The following KIAA0232 variants were observed in gnomAD, a reference collection of about 807,000 sequenced individuals.
KIAA0232 encodes KIAA0232.
A neutral mutation model predicts 122.0 loss-of-function variants in KIAA0232; 27 were observed. The ratio of observed to expected loss-of-function variants is 0.22; its 90% CI spans 0.16 to 0.31. The LOEUF (loss-of-function observed/expected upper bound fraction) is 0.31. Ranked by LOEUF, KIAA0232 falls within the 10% of genes least tolerant of loss-of-function variation. KIAA0232 has a pLI of 1.00. For missense variants in KIAA0232, 1,551 were observed against 1,634.2 expected, an observed-to-expected ratio of 0.95 and a Z score of 0.88; for synonymous variants, 613 against 587.6, an observed-to-expected ratio of 1.04 and a Z score of -0.63.
chr4:6,816,483 C>T (rs1022537336), intron 2 of KIAA0232, among the ~76,000 whole-genome samples: 12 of 152,018 alleles, frequency 7.9e-5, no homozygotes, highest in African/African-American at 1.9e-4. Context: ...AGGGTTTCAC[C>T]GTGTTAGCCA....
chr4:6,869,557 C>T (rs192258253), intron 7 of KIAA0232, among the ~76,000 whole-genome samples: 4 of 152,338 alleles, frequency 2.6e-5, no homozygotes, highest in Non-Finnish European at 5.9e-5. Flanking sequence ...CCTGTCCATT[C>T]CCCTGGCCCT....
intron 1 of KIAA0232, among the ~76,000 whole-genome samples, chr4:6,799,768 C>T (rs1429767223): frequency 6.6e-6 from 1 of 151,998 alleles, no homozygotes; most frequent in Non-Finnish European, 1.5e-5. Flanking sequence ...AATCTCGACT[C>T]ACTGCAACCT....
At chr4:6,834,391 A>G (rs1719157602) in intron 3 of KIAA0232, among the ~76,000 whole-genome samples, 1 of 152,226 alleles carries the variant, frequency 6.6e-6, no homozygotes, top group Non-Finnish European at 1.5e-5. Flanking sequence ...TGCTCAGTAA[A>G]TATTGACAAC....
intron 3 of KIAA0232, among the ~76,000 whole-genome samples, chr4:6,839,498 C>G (rs967193906): frequency 2.0e-5 from 3 of 152,152 alleles, no homozygotes; most frequent in African/African-American, 7.2e-5. Flanking sequence ...GTGAATGCAT[C>G]AATACAGAGA....
intron 2 of KIAA0232, among the ~76,000 whole-genome samples, chr4:6,810,550 A>C (rs1056648204): frequency 3.9e-5 from 6 of 152,228 alleles, no homozygotes; most frequent in Admixed American, 6.5e-5. Context: ...CCTCAAAAAC[A>C]CAGGCAACTA....
rs753810086 is a variant in KIAA0232, at chr4:6,841,992, A to T, written c.232-75A>T. 8 of 1,527,948 alleles carry T rather than the reference A, an allele frequency of 5.2e-6. No individual in the cohort carries two copies. Among genetic ancestry groups the T allele is most frequent in the Non-Finnish European group, 7.1e-6 (8 of 1,129,104 alleles). 94.6% of individuals were successfully genotyped at this position (1,527,948 alleles called of 1,614,324 possible). The stretch of plus-strand genomic sequence containing the variant: ...AATGCAAGGGGCCTTTTTGTGACTG[A>T]GTGTGTGTGGTAGGTGGAACATAGT... On this transcript the variant is annotated intron_variant, in intron 3 of 9. Transcript: ENST00000307659.
At chr4:6,880,310 T>C (rs9790494) in intron 9 of KIAA0232, among the ~76,000 whole-genome samples, 471 of 5,730 alleles carry the variant, frequency 0.082, 16 homozygotes, top group Middle Eastern at 0.25. Context: ...CACAGGTCTG[T>C]AGTGTCGCCT....
At chr4:6,811,853 C>T (rs1717897109) in intron 2 of KIAA0232, among the ~76,000 whole-genome samples, 1 of 149,780 alleles carries the variant, frequency 6.7e-6, no homozygotes, top group South Asian at 2.1e-4. Flanking sequence ...AACCTTTTCC[C>T]TCAGTTTGTT....
At chr4:6,801,619 A>C (rs918267790) in intron 1 of KIAA0232, among the ~76,000 whole-genome samples, 1 of 152,036 alleles carries the variant, frequency 6.6e-6, no homozygotes, top group African/African-American at 2.4e-5. Flanking sequence ...AGGAATTCCA[A>C]GCTGCAGCGA....
chr4:6,800,043 C>CTTTCT (rs1717313307), intron 1 of KIAA0232, among the ~76,000 whole-genome samples: 2 of 60,088 alleles, frequency 3.3e-5, no homozygotes, highest in Non-Finnish European at 3.6e-5. Flanking sequence ...TTCTTTCTTT[C>CTTTCT]TTTTTTTTTT....
intron 1 of KIAA0232, among the ~76,000 whole-genome samples, chr4:6,801,051 T>C (rs542339774): frequency 4.3e-4 from 66 of 152,358 alleles, no homozygotes; most frequent in African/African-American, 1.5e-3. Flanking sequence ...GAAATTAAGT[T>C]CAGCAGCTGG....
At chr4:6,866,332 T>A in intron 7 of KIAA0232, 1 of 535,530 alleles carries the variant, frequency 1.9e-6, no homozygotes, top group Non-Finnish European at 2.4e-6. Context: ...GCCAAAAAAA[T>A]TCCCAGAGGA....
At chr4:6,817,358 A>G (rs1718181082) in intron 2 of KIAA0232, among the ~76,000 whole-genome samples, 6 of 152,142 alleles carry the variant, frequency 3.9e-5, no homozygotes, top group Admixed American at 3.9e-4. Context: ...CTGGGACTAC[A>G]AGCGTCCGCC....
rs1721775786 is a variant in KIAA0232, at chr4:6,876,704, C to A, written c.3955C>A (p.Pro1319Thr). Residue 1319 changes from proline (P) to threonine (T), a missense_variant, in exon 9 of 10, where the codon CCA (proline) becomes ACA (threonine). Around this residue, in one of 5 missense-constraint regions of KIAA0232, gnomAD observed 1,108 missense variants for 1,154.8 expected, o/e 0.96. Transcript: ENST00000307659. Reference protein sequence around the residue: ...AKGESGLEEYPDAKETPSNEE... With the variant: ...AKGESGLEEYTDAKETPSNEE... ...GGGAGAGAGTGGTTTAGAAGAATAT[C>A]CAGATGCTAAAGAGACACCCAGTAA... The A allele has an allele frequency of 6.2e-7, 1 of 1,613,144 alleles. No individual in the cohort carries two copies. Among genetic ancestry groups the A allele is most frequent in the African/African-American group, 1.3e-5 (1 of 74,862 alleles).
chr4:6,871,693 C>T lies in KIAA0232; in HGVS notation c.3910+11C>T, dbSNP rs371099770. On this transcript the variant is annotated intron_variant, in intron 8 of 9. Transcript: ENST00000307659. ...CATCAGAGTGTGAAGGTAAGGAGAC[C>T]TTTGTTAGTTCATTTATTCATTGCA... The T allele has an allele frequency of 6.9e-6, 10 of 1,450,314 alleles. No homozygotes were observed. The highest frequency in any genetic ancestry group is 8.6e-6 in the Non-Finnish European group (9 of 1,040,898). 89.8% of individuals were successfully genotyped at this position (1,450,314 alleles called of 1,614,324 possible).
At chr4:6,801,182 C>T (rs1717369527) in intron 1 of KIAA0232, among the ~76,000 whole-genome samples, 1 of 152,144 alleles carries the variant, frequency 6.6e-6, no homozygotes, top group Admixed American at 6.5e-5. Flanking sequence ...ATTCAGTATC[C>T]ACTGGCTACA....
Position 6,862,785 on chromosome 4 carries a change from AAAC to A in KIAA0232, c.2406_2408del (p.Asn802del). 1 of 1,614,112 alleles carries A rather than the reference AAAC, an allele frequency of 6.2e-7. No homozygotes were observed. Among genetic ancestry groups the A allele is most frequent in the Non-Finnish European group, 8.5e-7 (1 of 1,180,022 alleles). ...GTATTCAGCTAGAACAAAAAACAGA[AAAC>A]AAAAATTTTGAAACTACACAAGTAT... On this transcript the variant is annotated inframe_deletion, in exon 7 of 10. Transcript: ENST00000307659.
chr4:6,793,837 C>A (rs1210123963), intron 1 of KIAA0232, among the ~76,000 whole-genome samples: 1 of 152,124 alleles, frequency 6.6e-6, no homozygotes, highest in Non-Finnish European at 1.5e-5. Context: ...TGTCATTTTA[C>A]AAATGAGGAA....
chr4:6,849,056 G>A lies in KIAA0232; in HGVS notation c.369+6852G>A, dbSNP rs543505185. ...GTGTTAGGGTTTGGAGAGGAGTAGT[G>A]CAACCTGACTTACTTGCCAATCAGA... On this transcript the variant is annotated intron_variant, in intron 4 of 9. Transcript: ENST00000307659. Among the ~76,000 whole-genome samples, 9 of 152,332 alleles carry A rather than the reference G, an allele frequency of 5.9e-5. No homozygotes were observed. The South Asian group carries it at 1.9e-3, about 32-fold the overall frequency.
Sources: gnomAD v4.1 joint callset for allele counts (sites outside exome capture counted in the v4.1 genomes callset) on GRCh38, gnomAD v4.1.1 for gene constraint, gnomAD v4.1.1 regional missense constraint, MANE v1.5 for transcripts, NCBI Gene and HGNC (gene_info 2026-07-23, HGNC 2026-07-21) for gene names.